BCL7A: variants seen among roughly 807,000 people sequenced by gnomAD.
BCL7A encodes B-cell CLL/lymphoma 7 protein family member A.
In BCL7A, 11 loss-of-function variants were observed where a neutral mutation model predicts 28.4. That is an observed-to-expected ratio of 0.39 (90% CI 0.24 to 0.64). The LOEUF is 0.64. Among genes scored for constraint, BCL7A ranks in the 30% least tolerant of loss-of-function variants. The pLI, the probability that BCL7A is intolerant of heterozygous loss-of-function variation, is 0.50. For missense variants in BCL7A, 222 were observed against 274.8 expected, an observed-to-expected ratio of 0.81 and a Z score of 1.36; for synonymous variants, 123 against 103.3, an observed-to-expected ratio of 1.19 and a Z score of -1.15.
intron 4 of BCL7A, among the ~76,000 whole-genome samples, chr12:122,050,617 G>A (rs1463309786): frequency 1.3e-5 from 2 of 152,118 alleles, no homozygotes; most frequent in South Asian, 2.1e-4. Flanking sequence ...CAGCTGTGTG[G>A]GCCTGGGCAG....
intron 4 of BCL7A, among the ~76,000 whole-genome samples, chr12:122,045,619 T>C (rs1884059157): frequency 6.6e-6 from 1 of 152,066 alleles, no homozygotes; most frequent in Non-Finnish European, 1.5e-5. Flanking sequence ...TTTGAGTCTC[T>C]ACAGAAAAAT....
chr12:122,047,397 G>A (rs1016467141), intron 4 of BCL7A, among the ~76,000 whole-genome samples: 3 of 152,066 alleles, frequency 2.0e-5, no homozygotes, highest in East Asian at 2.0e-4. Flanking sequence ...GGTATTGGGC[G>A]CCTGTAGTCC....
intron 4 of BCL7A, among the ~76,000 whole-genome samples, chr12:122,054,258 T>C: frequency 6.6e-6 from 1 of 152,002 alleles, no homozygotes; most frequent in East Asian, 1.9e-4. Flanking sequence ...CGGCTAATTT[T>C]TTGTATTTTT....
chr12:122,049,053 T>C (rs1319070447), intron 4 of BCL7A, among the ~76,000 whole-genome samples: 58 of 59,932 alleles, frequency 9.7e-4, no homozygotes, highest in Middle Eastern at 0.024. Context: ...TATATATATA[T>C]ACATATACAC....
chr12:122,049,035 A>AAAATATAT, intron 4 of BCL7A, among the ~76,000 whole-genome samples: 1 of 58,370 alleles, frequency 1.7e-5, no homozygotes, highest in Admixed American at 2.0e-4. Context: ...AAAAAAAAAA[A>AAAATATAT]ATATATATAT....
intron 5 of BCL7A, among the ~76,000 whole-genome samples, chr12:122,057,103 C>T (rs895795866): frequency 9.2e-5 from 14 of 152,262 alleles, no homozygotes; most frequent in South Asian, 2.1e-4. Context: ...AACAGGGTGA[C>T]GTGAAGAAGC....
At chr12:122,024,546 A>C (rs2135836424) in intron 1 of BCL7A, among the ~76,000 whole-genome samples, 1 of 144,350 alleles carries the variant, frequency 6.9e-6, no homozygotes, top group South Asian at 2.2e-4. Context: ...GCCATATCTC[A>C]CCTTCCCCGC....
intron 2 of BCL7A, 79 bp from the exon 3 acceptor site, chr12:122,035,252 C>T: frequency 1.5e-6 from 2 of 1,328,844 alleles, no homozygotes; most frequent in South Asian, 1.2e-5. Flanking sequence ...AATATTCACA[C>T]CACTCCCCAG....
At chr12:122,046,964 C>T (rs903830235) in intron 4 of BCL7A, among the ~76,000 whole-genome samples, 7 of 150,070 alleles carry the variant, frequency 4.7e-5, no homozygotes, top group Non-Finnish European at 1.5e-5. Flanking sequence ...AGTGCAATGA[C>T]GTGATCTCGG....
intron 4 of BCL7A, 65 bp downstream of exon 4, chr12:122,044,118 G>A: frequency 5.2e-6 from 8 of 1,542,226 alleles, no homozygotes; most frequent in Non-Finnish European, 7.0e-6. Flanking sequence ...GCAGTCTGTG[G>A]CTAGGTGTTC....
At chr12:122,028,123 G>C (rs1364804267) in intron 1 of BCL7A, among the ~76,000 whole-genome samples, 2 of 152,164 alleles carry the variant, frequency 1.3e-5, no homozygotes, top group Admixed American at 1.3e-4. Flanking sequence ...CCAGCTCAGA[G>C]GTAGAATTCT....
intron 2 of BCL7A, 107 bp from the exon 3 acceptor site, chr12:122,035,224 G>A: frequency 9.8e-7 from 1 of 1,020,470 alleles, no homozygotes; most frequent in Non-Finnish European, 1.5e-6. Context: ...GGGGCTCCAG[G>A]AGGCTTCAAT....
At chr12:122,042,667 G>T (rs1345968757) in intron 3 of BCL7A, among the ~76,000 whole-genome samples, 1 of 147,244 alleles carries the variant, frequency 6.8e-6, no homozygotes, top group Non-Finnish European at 1.5e-5. Flanking sequence ...AAAAAAAAAA[G>T]TGTAAAAGTT....
intron 1 of BCL7A, among the ~76,000 whole-genome samples, chr12:122,028,412 C>CTTT (rs79495913): frequency 6.9e-6 from 1 of 145,016 alleles, no homozygotes; most frequent in South Asian, 2.2e-4. Flanking sequence ...AAGTCAATTA[C>CTTT]TTTTTTTTTT....
chr12:122,035,560 C>A, intron 3 of BCL7A, 133 bp downstream of exon 3: 2 of 740,528 alleles, frequency 2.7e-6, no homozygotes, highest in Non-Finnish European at 4.4e-6. Flanking sequence ...CAGGGCCCGG[C>A]GGCCTCTGTG....
intron 4 of BCL7A, among the ~76,000 whole-genome samples, chr12:122,050,504 G>A (rs1028810803): frequency 3.3e-5 from 5 of 152,278 alleles, no homozygotes; most frequent in Middle Eastern, 3.4e-3. Flanking sequence ...CATGGCCCCC[G>A]TGATCCCAGC....
chr12:122,050,101 C>T (rs757506727), intron 4 of BCL7A, among the ~76,000 whole-genome samples: 7 of 152,302 alleles, frequency 4.6e-5, no homozygotes, highest in Non-Finnish European at 7.4e-5. Context: ...CTCAGCCTCA[C>T]GAGTAGCTGG....
intron 3 of BCL7A, among the ~76,000 whole-genome samples, chr12:122,041,473 G>A (rs926659424): frequency 2.6e-5 from 4 of 152,150 alleles, no homozygotes; most frequent in Admixed American, 1.3e-4. Flanking sequence ...TGTTTAAAAC[G>A]ACTCTCCTAG....
chr12:122,029,246 C>T lies in BCL7A; in HGVS notation c.93-1454C>T, dbSNP rs948339446. Among the ~76,000 whole-genome samples, 3 of 152,156 alleles carry T rather than the reference C, an allele frequency of 2.0e-5. No individual in the cohort carries two copies. The highest frequency in any genetic ancestry group is 2.1e-4 in the South Asian group (1 of 4,832). On this transcript the variant is annotated intron_variant, in intron 1 of 5. Coordinates refer to ENST00000261822, the MANE Select transcript of BCL7A (RefSeq NM_001024808.3). This position sits in a 1 kb window ranked among gnomAD's most constrained non-coding sequence, Gnocchi z 4.3. ...TGGCCACTGGTATAATAAGAAAAGCCGGGCCGTAGCGTCCTCTGATGGAAC... is the reference window on the plus strand; with the variant it reads ...TGGCCACTGGTATAATAAGAAAAGCTGGGCCGTAGCGTCCTCTGATGGAAC...
Sources: gnomAD v4.1 joint callset for allele counts (sites outside exome capture counted in the v4.1 genomes callset) on GRCh38, gnomAD v4.1.1 for gene constraint, Gnocchi (gnomAD v3.1) non-coding constraint, MANE v1.5 for transcripts, NCBI Gene and HGNC (gene_info 2026-07-23, HGNC 2026-07-21) for gene names.